The following TTBK2 variants were observed in gnomAD, a reference collection of about 807,000 sequenced individuals.
The protein encoded by TTBK2 is tau tubulin kinase 2, also known as tau-tubulin kinase 2.
A neutral mutation model predicts 110.8 loss-of-function variants in TTBK2; 28 were observed. The ratio of observed to expected loss-of-function variants is 0.25; its 90% CI spans 0.19 to 0.35. TTBK2 has a LOEUF of 0.35. TTBK2 is among the 10% of genes least tolerant of loss of function. The pLI, the probability that TTBK2 is intolerant of heterozygous loss-of-function variation, is 1.00. For missense variants in TTBK2, 1,369 were observed against 1,500.3 expected (o/e 0.91, Z 1.45); for synonymous variants, 532 against 527.3 (o/e 1.01, Z -0.12).
chr15:42,825,332 C>A (rs1267478786), intron 6 of TTBK2, among the ~76,000 whole-genome samples: 1 of 152,136 alleles, frequency 6.6e-6, no homozygotes, highest in Non-Finnish European at 1.5e-5. Context: ...AATTAGTTAA[C>A]ACAAAATATA....
intron 1 of TTBK2, among the ~76,000 whole-genome samples, chr15:42,882,462 A>G (rs1184598646): frequency 6.6e-6 from 1 of 151,324 alleles, no homozygotes; most frequent in Non-Finnish European, 1.5e-5. Flanking sequence ...ATATATATAT[A>G]TATTAGCCAG....
intron 1 of TTBK2, among the ~76,000 whole-genome samples, chr15:42,915,133 C>CA (rs2031010253): frequency 6.6e-6 from 1 of 152,190 alleles, no homozygotes. Flanking sequence ...AACCACAGTC[C>CA]AAAAATATTA....
chr15:42,857,811 TG>T (rs1458787515), intron 3 of TTBK2, among the ~76,000 whole-genome samples: 1 of 152,048 alleles, frequency 6.6e-6, no homozygotes, highest in Non-Finnish European at 1.5e-5. Context: ...GGCCAGGCTC[TG>T]TGGCTCACAT....
At chr15:42,899,466 C>T (rs975273768) in intron 1 of TTBK2, among the ~76,000 whole-genome samples, 2 of 147,358 alleles carry the variant, frequency 1.4e-5, no homozygotes, top group Admixed American at 7.0e-5. Context: ...TGTGGCCGGG[C>T]ACGGTGGCTC....
chr15:42,756,953 TG>T (rs1480197814), intron 13 of TTBK2, among the ~76,000 whole-genome samples: 1 of 152,142 alleles, frequency 6.6e-6, no homozygotes, highest in African/African-American at 2.4e-5. Context: ...GAATTTTTCT[TG>T]AAAAGATTCT....
intron 1 of TTBK2, among the ~76,000 whole-genome samples, chr15:42,912,554 C>CA (rs1378256430): frequency 1.3e-5 from 2 of 151,878 alleles, no homozygotes; most frequent in East Asian, 1.9e-4. Context: ...ACTAAAAATG[C>CA]AAAAAAATTA....
At chr15:42,906,965 A>C (rs988239529) in intron 1 of TTBK2, among the ~76,000 whole-genome samples, 2 of 152,026 alleles carry the variant, frequency 1.3e-5, no homozygotes, top group Admixed American at 6.6e-5. Flanking sequence ...CAGAAGGATC[A>C]CTTGAGCCCA....
intron 3 of TTBK2, among the ~76,000 whole-genome samples, chr15:42,849,126 A>G (rs1893591403): frequency 6.7e-6 from 1 of 149,664 alleles, no homozygotes; most frequent in South Asian, 2.1e-4. Context: ...ATGTTTTGAT[A>G]TTATCTCATA....
At chr15:42,786,570 T>C (rs1890423285) in intron 10 of TTBK2, among the ~76,000 whole-genome samples, 2 of 152,174 alleles carry the variant, frequency 1.3e-5, no homozygotes, top group African/African-American at 4.8e-5. Flanking sequence ...CTACCTCAAT[T>C]CCTTTGCATT....
At chr15:42,885,697 C>G (rs1186322003) in intron 1 of TTBK2, among the ~76,000 whole-genome samples, 1 of 152,110 alleles carries the variant, frequency 6.6e-6, no homozygotes, top group Non-Finnish European at 1.5e-5. Context: ...CCCTTCTCCA[C>G]TTTCCTGGGG....
At chr15:42,813,977 G>C (rs1371305453) in intron 7 of TTBK2, among the ~76,000 whole-genome samples, 1 of 152,124 alleles carries the variant, frequency 6.6e-6, no homozygotes, top group South Asian at 2.1e-4. Flanking sequence ...AGATTAAAAT[G>C]TAAAACAACA....
At chr15:42,796,357 GC>G (rs879378458) in intron 9 of TTBK2, among the ~76,000 whole-genome samples, 7 of 152,112 alleles carry the variant, frequency 4.6e-5, no homozygotes, top group Non-Finnish European at 8.8e-5. Flanking sequence ...CCAAGATTGT[GC>G]CACTGCACTC....
chr15:42,745,667 T>A lies in TTBK2; in HGVS notation c.*128A>T. On this transcript the variant is annotated 3_prime_UTR_variant, in exon 15 of 15. Coordinates refer to ENST00000267890, the MANE Select transcript of TTBK2 (RefSeq NM_173500.4). ...ATGTATTATGTCTTCTTATAAATAA[T>A]TGATCATGTTACTTTCTTTTGCAAG... is the stretch of plus-strand genomic sequence containing the variant. 1 of 1,128,776 alleles carries A rather than the reference T, an allele frequency of 8.9e-7. No homozygotes were observed. Among genetic ancestry groups the A allele is most frequent in the Non-Finnish European group, 1.3e-6 (1 of 749,796 alleles). 69.9% of individuals were successfully genotyped at this position (1,128,776 alleles called of 1,614,324 possible).
At chr15:42,862,106 C>A (rs1453134727) in intron 3 of TTBK2, among the ~76,000 whole-genome samples, 2 of 151,998 alleles carry the variant, frequency 1.3e-5, no homozygotes, top group Non-Finnish European at 2.9e-5. Context: ...AACCTACCAA[C>A]CAAAAAAAGC....
chr15:42,890,536 T>C (rs562632561), intron 1 of TTBK2, among the ~76,000 whole-genome samples: 24 of 152,340 alleles, frequency 1.6e-4, no homozygotes, highest in African/African-American at 5.5e-4. Context: ...CTGAGAGCCA[T>C]TCTAGCAAAT....
intron 9 of TTBK2, among the ~76,000 whole-genome samples, chr15:42,804,934 C>T (rs866580034): frequency 1.3e-5 from 2 of 152,174 alleles, no homozygotes; most frequent in South Asian, 4.1e-4. Flanking sequence ...TAAATCATTA[C>T]CCTCACCATA....
intron 4 of TTBK2, among the ~76,000 whole-genome samples, chr15:42,838,597 C>T (rs1893090911): frequency 6.6e-6 from 1 of 152,170 alleles, no homozygotes; most frequent in African/African-American, 2.4e-5. Context: ...AGGCAGACCA[C>T]CTGAGGTCAG....
intron 3 of TTBK2, among the ~76,000 whole-genome samples, chr15:42,854,135 G>A (rs915124881): frequency 2.6e-5 from 4 of 152,020 alleles, no homozygotes; most frequent in Middle Eastern, 3.4e-3. Context: ...AGGGTCTCTC[G>A]CTATGCTGCC....
At chr15:42,822,814 G>A (rs558002119) in intron 6 of TTBK2, among the ~76,000 whole-genome samples, 3 of 152,158 alleles carry the variant, frequency 2.0e-5, no homozygotes, top group South Asian at 2.1e-4. Context: ...GATGAGTGAG[G>A]AAACTATTTT....
Sources: gnomAD v4.1 joint callset for allele counts (sites outside exome capture counted in the v4.1 genomes callset) on GRCh38, gnomAD v4.1.1 for gene constraint, MANE v1.5 for transcripts, NCBI Gene and HGNC (gene_info 2026-07-23, HGNC 2026-07-21) for gene names.